Variants in C11orf21 observed in about 807,000 individuals in gnomAD.
C11orf21 encodes the protein chromosome 11 open reading frame 21.
Under a neutral mutation model 15.2 loss-of-function variants are expected in C11orf21, and 19 were observed. That is an observed-to-expected ratio of 1.25 (90% CI 0.87 to 1.84). C11orf21 has a LOEUF of 1.84. C11orf21 is among the 40% of genes most tolerant of loss of function. C11orf21 has a pLI of 0.00. For synonymous variants in C11orf21, 62 were observed against 66.8 expected (o/e 0.93, Z 0.35); for missense variants, 171 against 174.4 (o/e 0.98, Z 0.11).
intron 1 of C11orf21, chr11:2,301,510 G>A: frequency 2.3e-6 from 1 of 440,464 alleles, no homozygotes; most frequent in East Asian, 3.6e-5. Flanking sequence ...GTGAGTGTGA[G>A]CGAGGCCCCA....
chr11:2,302,808 C>A, upstream of C11orf21: 2 of 1,579,182 alleles, frequency 1.3e-6, no homozygotes, highest in Non-Finnish European at 1.7e-6. Context: ...CTGCAGCAGT[C>A]CCATGCCCCA....
rs973626932 is a variant in C11orf21, at chr11:2,295,675, A to G, written c.*2275T>C. ...TGTGTGACACTGTAATAGTGGAGAT[A>G]TGCCATTACACATTTGCCCGAACTC... On this transcript the variant is annotated 3_prime_UTR_variant, in exon 4 of 4. Transcript: ENST00000381153. The surrounding 1 kb of genome is among the most constrained non-coding windows in gnomAD (Gnocchi z 5.4). 6.6e-6 allele frequency: 1 copy of G among 152,240 alleles called. No individual in the cohort carries two copies. Among genetic ancestry groups the G allele is most frequent in the Non-Finnish European group, 1.5e-5 (1 of 68,040 alleles). 9.4% of individuals were successfully genotyped at this position (152,240 alleles called of 1,614,324 possible).
rs1257070725 is a variant in C11orf21 at position 2,300,612 on chromosome 11, C to T, written c.55G>A (p.Ala19Thr). Reference protein sequence around the residue: ...WRRRRPGRRSAVPRWPHLSSQ... With the variant: ...WRRRRPGRRSTVPRWPHLSSQ... ...GACAAGTGAGGCCACCTGGGCACAG[C>T]GCTGGTGTGAGAAGGAGGCCATCAG... Residue 19 changes from alanine (A) to threonine (T), a missense_variant and splice_region_variant, in exon 2 of 4, where the codon GCT (alanine) becomes ACT (threonine). Coordinates refer to ENST00000381153, the MANE Select transcript of C11orf21 (RefSeq NM_001329958.2). 6 of 1,550,448 alleles carry T rather than the reference C, an allele frequency of 3.9e-6. No individual in the cohort carries two copies. The highest frequency in any genetic ancestry group is 3.9e-5 in the Admixed American group (2 of 50,944).
At chr11:2,298,726 C>A (rs1847592736) in intron 3 of C11orf21, among the ~76,000 whole-genome samples, 1 of 152,176 alleles carries the variant, frequency 6.6e-6, no homozygotes, top group Non-Finnish European at 1.5e-5. Context: ...TAGTGGGTGG[C>A]ACAGCGTGGA....
chr11:2,302,233 C>T (rs372804464), upstream of C11orf21: 21 of 1,376,856 alleles, frequency 1.5e-5, no homozygotes, highest in African/African-American at 2.5e-4. Context: ...GCAGGTCGGG[C>T]AGGAGTGGGT....
upstream of C11orf21, chr11:2,302,038 G>A (rs1589790064): frequency 6.7e-7 from 1 of 1,494,666 alleles, no homozygotes; most frequent in Non-Finnish European, 8.9e-7. Flanking sequence ...GACAGACAGA[G>A]GGGCGGATGC....
Position 2,301,878 on chromosome 11 carries a change from C to G in C11orf21, c.-70G>C, listed in dbSNP as rs1439338643. On this transcript the variant is annotated 5_prime_UTR_variant, in exon 1 of 4. Transcript: ENST00000381153. ...CGAGGCCATGTCTTCCTGGGAAGGGCCTCAGATGTCAGCAAATGCCCTGGT... is the reference window on the plus strand; with the variant it reads ...CGAGGCCATGTCTTCCTGGGAAGGGGCTCAGATGTCAGCAAATGCCCTGGT... 1.3e-6 allele frequency: 2 copies of G among 1,548,574 alleles called. No homozygotes were observed.
chr11:2,302,145 C>A (rs781030842), upstream of C11orf21: 1 of 1,467,886 alleles, frequency 6.8e-7, no homozygotes, highest in Admixed American at 2.6e-5. Context: ...AGGAGAGGAA[C>A]CGTCATGGGG....
intron 3 of C11orf21, 60 bp downstream of exon 3, chr11:2,299,368 G>C (rs1424954127): frequency 1.1e-5 from 16 of 1,486,102 alleles, no homozygotes; most frequent in Non-Finnish European, 1.4e-5. Flanking sequence ...GGTGGGAGGG[G>C]CCGCGCTCAC....
intron 1 of C11orf21, 137 bp from the exon 2 acceptor site, chr11:2,300,750 A>G: frequency 6.4e-7 from 1 of 1,550,862 alleles, no homozygotes; most frequent in Non-Finnish European, 8.7e-7. Context: ...AGGGAGGTCA[A>G]GGTTGGAGAG....
At chr11:2,300,842 C>T (rs1224869991) in intron 1 of C11orf21, 13 of 1,402,324 alleles carry the variant, frequency 9.3e-6, no homozygotes, top group African/African-American at 8.6e-5. Flanking sequence ...TTGCACAGCC[C>T]GGGGGCCTCC....
rs1564951234 is a variant in C11orf21, at chr11:2,300,578, C to T, written c.89G>A (p.Ser30Asn). 1.9e-6 allele frequency: 3 copies of T among 1,550,100 alleles called. No homozygotes were observed. The highest frequency in any genetic ancestry group is 2.6e-6 in the Non-Finnish European group (3 of 1,146,706). The change falls in exon 2 of 4, where the codon AGT becomes AAT. Residue 30 changes from serine (S) to asparagine (N), a missense_variant. Coordinates refer to ENST00000381153, the MANE Select transcript of C11orf21 (RefSeq NM_001329958.2). The part of the protein sequence containing the change: ...VPRWPHLSSQ[S>N]GVEPPDRWTG... ...CCACCTGTCAGGGGGTTCGACGCCA[C>T]TTTGAGATGACAAGTGAGGCCACCT...
intron 1 of C11orf21, 118 bp downstream of exon 1, chr11:2,301,638 G>A (rs964938431): frequency 4.8e-6 from 4 of 833,722 alleles, no homozygotes; most frequent in African/African-American, 3.4e-5. Context: ...ATTTCAAAGG[G>A]TGTTTCCTAA....
upstream of C11orf21, chr11:2,302,989 G>A (rs199999281): frequency 1.1e-4 from 171 of 1,589,806 alleles, 1 homozygote; most frequent in East Asian, 3.6e-3. Context: ...GCTGCATCGG[G>A]AGGGGCCTCG....
In C11orf21 at chr11:2,301,668, T is replaced by C. The variant is rs549661022; in HGVS notation, c.53+88A>G. 191 of 1,085,488 alleles carry C rather than the reference T, an allele frequency of 1.8e-4. 2 individuals carry two copies. In the South Asian group the frequency reaches 2.9e-3, roughly 17 times the overall value. The allele number at this position is 1,085,488 out of a possible 1,614,324, so 67.2% of individuals were successfully genotyped here. ...TCCTAAGAACACCTCAATAATGATG[T>C]TCCAAGGAGACCCCATCCAAATTCC... On this transcript the variant is annotated intron_variant, in intron 1 of 3. Coordinates refer to ENST00000381153, the MANE Select transcript of C11orf21 (RefSeq NM_001329958.2).
upstream of C11orf21, chr11:2,301,994 CACCCAGCAGCTCGGTCCTAGGGCG>C (rs1225130927): frequency 2.0e-6 from 3 of 1,496,714 alleles, no homozygotes; most frequent in South Asian, 2.7e-5. Flanking sequence ...TCTTCCGGGG[CACCCAGCAGCTCGGTCCTAGGGCG>C]ATGTTGACAG....
intron 1 of C11orf21, chr11:2,301,350 T>G: frequency 5.3e-6 from 1 of 187,446 alleles, no homozygotes; most frequent in Non-Finnish European, 1.1e-5. Context: ...CCTGGAACAT[T>G]TTCACCCTCT....
Position 2,299,525 on chromosome 11 carries a change from G to T in C11orf21, c.330C>A (p.Asp110Glu), listed in dbSNP as rs769790304. ...TTCCAGAGGAGGGGCCTGCTTCTAA[G>T]TCCAAGTCCCATCCCAGCCGGATAG... ...PLAIRLGWDL[D>E]LEAGPSSGKL... The change falls in exon 3 of 4, where the codon GAC becomes GAA. Residue 110 changes from aspartate to glutamate, a missense_variant. Asp to Glu is a conservative substitution (Grantham distance 45). Transcript: ENST00000381153. The T allele has an allele frequency of 2.2e-5, 34 of 1,550,514 alleles. No homozygotes were observed.
In C11orf21 at chr11:2,301,743, A is replaced by T. The variant is rs1847759336; in HGVS notation, c.53+13T>A. On this transcript the variant is annotated intron_variant, in intron 1 of 3. Coordinates refer to ENST00000381153, the MANE Select transcript of C11orf21 (RefSeq NM_001329958.2). ...CAGTCCACACTTGCTCACTCCCAGG[A>T]CGGGGAGCTCACCTCCTCCTCCCCG... 1.3e-6 allele frequency: 2 copies of T among 1,543,550 alleles called. No individual in the cohort carries two copies. Among genetic ancestry groups the T allele is most frequent in the South Asian group, 2.4e-5 (2 of 83,828 alleles).
Sources: gnomAD v4.1 joint callset for allele counts (sites outside exome capture counted in the v4.1 genomes callset) on GRCh38, gnomAD v4.1.1 for gene constraint, Gnocchi (gnomAD v3.1) non-coding constraint, MANE v1.5 for transcripts, NCBI Gene and HGNC (gene_info 2026-07-23, HGNC 2026-07-21) for gene names.